REPS2: variants seen among roughly 807,000 people sequenced by gnomAD.
REPS2 encodes the protein RALBP1 associated Eps domain containing 2.
In REPS2, 23 loss-of-function variants were observed where a neutral mutation model predicts 53.6. That is an observed-to-expected ratio of 0.43 (90% CI 0.31 to 0.61). The LOEUF (loss-of-function observed/expected upper bound fraction) is 0.61, where lower values mean the gene tolerates loss of function less well. Among genes scored for constraint, REPS2 ranks in the 20% least tolerant of loss-of-function variants. REPS2 has a pLI of 0.11. For synonymous variants in REPS2, 238 were observed against 218.6 expected, an observed-to-expected ratio of 1.09 and a Z score of -0.78; for missense variants, 446 against 534.9, an observed-to-expected ratio of 0.83 and a Z score of 1.64.
chrX:17,128,632 T>C (rs2063250973), intron 14 of REPS2, among the ~76,000 whole-genome samples: 2 of 111,813 alleles, frequency 1.8e-5, no homozygotes, highest in Non-Finnish European at 3.8e-5. Flanking sequence ...GAAAAAAATA[T>C]CTGTGTAATT....
chrX:16,963,832 T>G (rs966848151), intron 1 of REPS2, among the ~76,000 whole-genome samples: 4 of 111,016 alleles, frequency 3.6e-5, no homozygotes, highest in Non-Finnish European at 7.5e-5. Context: ...GTGGAAGAGA[T>G]GAGCTCTGAG....
chrX:17,010,233 A>G (rs2061411726), intron 2 of REPS2, among the ~76,000 whole-genome samples: 1 of 112,601 alleles, frequency 8.9e-6, no homozygotes, highest in African/African-American at 3.2e-5. Context: ...ATTAGGTATA[A>G]AGCTAATTAA....
At chrX:17,004,777 G>A (rs1433769739) in intron 1 of REPS2, among the ~76,000 whole-genome samples, 1 of 111,838 alleles carries the variant, frequency 8.9e-6, no homozygotes, top group African/African-American at 3.3e-5. Context: ...TATGGTAAAG[G>A]AGCAACTGAA....
intron 1 of REPS2, among the ~76,000 whole-genome samples, chrX:16,966,596 C>T (rs1477137719): frequency 8.9e-6 from 1 of 112,344 alleles, no homozygotes; most frequent in African/African-American, 3.2e-5. Flanking sequence ...TGACCTGTCA[C>T]ATAAGGTCAG....
chrX:17,006,577 T>C (rs1290653388), intron 2 of REPS2, among the ~76,000 whole-genome samples: 2 of 111,967 alleles, frequency 1.8e-5, no homozygotes, highest in Non-Finnish European at 3.8e-5. Flanking sequence ...GCAGTTAAAA[T>C]AGATTTTATT....
At chrX:17,096,539 C>T (rs1169010732) in intron 13 of REPS2, among the ~76,000 whole-genome samples, 2 of 99,884 alleles carry the variant, frequency 2.0e-5, no homozygotes, top group Non-Finnish European at 4.1e-5. Context: ...GGGCGCCTGT[C>T]GTCCCAGCTA....
the REPS2 span, among the ~76,000 whole-genome samples, chrX:17,188,841 T>C: frequency 5.3e-5 from 6 of 112,277 alleles, no homozygotes; most frequent in African/African-American, 1.9e-4. Flanking sequence ...CAGGGATATG[T>C]GTGTGTACCA....
chrX:17,019,757 T>G (rs1347597098), intron 2 of REPS2, among the ~76,000 whole-genome samples: 2 of 111,038 alleles, frequency 1.8e-5, no homozygotes, highest in African/African-American at 6.6e-5. Context: ...AGTCTGGGAG[T>G]TCAAGGCTGC....
chrX:17,099,837 G>T, intron 13 of REPS2: 1 of 592,413 alleles, frequency 1.7e-6, no homozygotes, highest in African/African-American at 2.2e-5. Context: ...CTCATAGAAG[G>T]ATATGACAAC....
the REPS2 span, among the ~76,000 whole-genome samples, chrX:17,174,787 A>ACTG: frequency 1.8e-5 from 2 of 112,555 alleles, no homozygotes; most frequent in Non-Finnish European, 3.8e-5. Context: ...GCCTGCTGTC[A>ACTG]CTGCTGCTGC....
At chrX:17,036,439 T>C (rs1040378079) in intron 5 of REPS2, among the ~76,000 whole-genome samples, 2 of 112,246 alleles carry the variant, frequency 1.8e-5, no homozygotes, top group African/African-American at 3.2e-5. Flanking sequence ...TTTGTCATTC[T>C]TAATGGCATG....
At chrX:17,104,910 A>G (rs189309353) in intron 14 of REPS2, among the ~76,000 whole-genome samples, 2 of 111,747 alleles carry the variant, frequency 1.8e-5, no homozygotes, top group African/African-American at 3.2e-5. Context: ...TTCTCATTCA[A>G]ATTATTAGCT....
intron 11 of REPS2, among the ~76,000 whole-genome samples, chrX:17,073,533 A>G (rs1169010197): frequency 1.8e-5 from 2 of 111,801 alleles, no homozygotes; most frequent in Non-Finnish European, 3.8e-5. Context: ...ATTCAGCGAT[A>G]TTGTTCATAA....
intron 7 of REPS2, 87 bp downstream of exon 7, chrX:17,052,532 TG>T: frequency 3.0e-6 from 2 of 675,901 alleles, no homozygotes; most frequent in Non-Finnish European, 4.4e-6. Flanking sequence ...TAAAGGCTTA[TG>T]TTTTGAATGA....
chrX:17,150,397 A>C lies in REPS2; in HGVS notation c.*2916A>C, dbSNP rs1436817238. 2 of 112,381 alleles carry C rather than the reference A, an allele frequency of 1.8e-5. No homozygotes were observed. Among genetic ancestry groups the C allele is most frequent in the African/African-American group, 3.2e-5 (1 of 30,858 alleles). 9.3% of individuals were successfully genotyped at this position (112,381 alleles called of 1,213,427 possible). On this transcript the variant is annotated 3_prime_UTR_variant, in exon 18 of 18. Coordinates refer to ENST00000357277, the MANE Select transcript of REPS2 (RefSeq NM_004726.3). ...TGGGATCCTACAGTCCCACAGATGAAAGCACAGTAGTAGCTGACAGCTGGC... is the reference window on the plus strand; with the variant it reads ...TGGGATCCTACAGTCCCACAGATGACAGCACAGTAGTAGCTGACAGCTGGC...
chrX:17,112,120 G>A (rs369084989), intron 14 of REPS2, among the ~76,000 whole-genome samples: 39 of 110,026 alleles, frequency 3.5e-4, no homozygotes, highest in African/African-American at 1.2e-3. Context: ...CTGCCACACC[G>A]AGCTAATGTT....
intron 1 of REPS2, among the ~76,000 whole-genome samples, chrX:16,969,555 C>T (rs1299472420): frequency 9.1e-6 from 1 of 109,636 alleles, no homozygotes; most frequent in African/African-American, 3.3e-5. Context: ...GAAACCCCGT[C>T]TCCACCAAAA....
At chrX:17,088,321 C>A (rs2062569015) in intron 13 of REPS2, among the ~76,000 whole-genome samples, 1 of 111,556 alleles carries the variant, frequency 9.0e-6, no homozygotes, top group Admixed American at 9.5e-5. Context: ...AAACCAGACA[C>A]CCATCTTTGA....
intron 6 of REPS2, among the ~76,000 whole-genome samples, chrX:17,051,629 AG>A (rs1288727972): frequency 8.9e-6 from 1 of 112,354 alleles, no homozygotes; most frequent in Non-Finnish European, 1.9e-5. Context: ...TGGAGTATTA[AG>A]AATAATGCTG....
Sources: allele counts gnomAD v4.1 joint callset (sites outside exome capture counted in the v4.1 genomes callset), GRCh38; gene constraint gnomAD v4.1.1; transcripts MANE v1.5; gene names NCBI Gene and HGNC (gene_info 2026-07-23, HGNC 2026-07-21).